The following MYOCD variants were observed in gnomAD, a reference collection of about 807,000 sequenced individuals.
MYOCD encodes the protein myocardin.
In MYOCD, 32 loss-of-function variants were observed where a neutral mutation model predicts 96.1. That is an observed-to-expected ratio of 0.33 (90% CI 0.25 to 0.45). The LOEUF (loss-of-function observed/expected upper bound fraction) is 0.45, where lower values mean the gene tolerates loss of function less well. Among genes scored for constraint, MYOCD ranks in the 20% least tolerant of loss-of-function variants. MYOCD has a pLI of 1.00. For missense variants in MYOCD, 1,133 were observed against 1,200.6 expected, an observed-to-expected ratio of 0.94 and a Z score of 0.83; for synonymous variants, 469 against 469.0, an observed-to-expected ratio of 1.00 and a Z score of 0.00.
intron 1 of MYOCD, among the ~76,000 whole-genome samples, chr17:12,676,536 A>G (rs997952680): frequency 5.4e-5 from 8 of 149,126 alleles, no homozygotes; most frequent in Non-Finnish European, 1.2e-4. Context: ...TCCTATACTG[A>G]GTATTATTTG....
At chr17:12,758,025 GA>G in intron 11 of MYOCD, 59 bp from the exon 12 acceptor site, 1 of 1,352,498 alleles carries the variant, frequency 7.4e-7, no homozygotes, top group Non-Finnish European at 1.1e-6. Context: ...TTCTAGAACA[GA>G]AACAACATAA....
chr17:12,670,303 C>T (rs551223663), intron 1 of MYOCD, among the ~76,000 whole-genome samples: 1 of 152,294 alleles, frequency 6.6e-6, no homozygotes, highest in East Asian at 1.9e-4. Context: ...GGTTGCTTGT[C>T]CTTTCAGAGA....
At chr17:12,747,598 A>G (rs756024774) in intron 9 of MYOCD, among the ~76,000 whole-genome samples, 3 of 152,164 alleles carry the variant, frequency 2.0e-5, no homozygotes, top group Non-Finnish European at 4.4e-5. Flanking sequence ...AAAGAACAAA[A>G]TGGAAAGAGT....
rs897566457 is a variant in MYOCD at position 12,766,823 on chromosome 17, T to C, written c.*3179T>C. ...CAGCTATCTGCTGCAGTCTGGTAGATTCATACTTATCTAAAGAAGTCAAAA... is the reference window on the plus strand; with the variant it reads ...CAGCTATCTGCTGCAGTCTGGTAGACTCATACTTATCTAAAGAAGTCAAAA... On this transcript the variant is annotated 3_prime_UTR_variant, in exon 14 of 14. Transcript: ENST00000425538. 1.3e-5 allele frequency: 2 copies of C among 151,880 alleles called. No individual in the cohort carries two copies. Among genetic ancestry groups the C allele is most frequent in the Non-Finnish European group, 2.9e-5 (2 of 68,020 alleles). 9.4% of individuals were successfully genotyped at this position (151,880 alleles called of 1,614,324 possible). A position where few individuals can be genotyped will look rare whatever the true frequency, so the allele number is the denominator to read the frequency against.
intron 2 of MYOCD, among the ~76,000 whole-genome samples, chr17:12,706,375 A>T (rs1257438542): frequency 6.6e-6 from 1 of 152,184 alleles, no homozygotes; most frequent in Non-Finnish European, 1.5e-5. Context: ...CTTTCTTTGG[A>T]GGTGCTAAAG....
At chr17:12,739,579 C>G (rs147481436) in intron 7 of MYOCD, among the ~76,000 whole-genome samples, 1 of 152,322 alleles carries the variant, frequency 6.6e-6, no homozygotes, top group Non-Finnish European at 1.5e-5. Context: ...ACAGTCCAGC[C>G]AGCACGTTCC....
Position 12,722,852 on chromosome 17 carries a change from A to G in MYOCD, c.259A>G (p.Thr87Ala), listed in dbSNP as rs902707138. ...LVNMHILQAS[T>A]AERSIPTAQM... ...TTTTCATTTCAACCCTTTAGCTTCC[A>G]CTGCAGAGAGGTCCATTCCAACTGC... Residue 87 changes from threonine to alanine, a missense_variant, in exon 5 of 14, where the codon ACT becomes GCT. By Grantham distance (58) the Thr-to-Ala change is moderately conservative. Transcript: ENST00000425538. 1.2e-6 allele frequency: 2 copies of G among 1,609,504 alleles called. No individual in the cohort carries two copies. Among genetic ancestry groups the G allele is most frequent in the Non-Finnish European group, 1.7e-6 (2 of 1,178,432 alleles).
At chr17:12,748,690 T>C (rs920716065) in intron 9 of MYOCD, among the ~76,000 whole-genome samples, 1 of 152,180 alleles carries the variant, frequency 6.6e-6, no homozygotes, top group Non-Finnish European at 1.5e-5. Context: ...CATTATTTAA[T>C]AATGTAGTTA....
Position 12,766,892 on chromosome 17 carries a change from T to C in MYOCD, c.*3248T>C, listed in dbSNP as rs1290522608. On this transcript the variant is annotated 3_prime_UTR_variant, in exon 14 of 14. Transcript: ENST00000425538. ...CTTGCAGGAAGCCAGTGCTTATTAG[T>C]AGTGACCCTGCTTCTATCAACGTTA... The C allele has an allele frequency of 6.6e-6, 1 of 151,940 alleles. No homozygotes were observed. The highest frequency in any genetic ancestry group is 1.5e-5 in the Non-Finnish European group (1 of 68,014). 9.4% of individuals were successfully genotyped at this position (151,940 alleles called of 1,614,324 possible). A position where few individuals can be genotyped will look rare whatever the true frequency, so the allele number is the denominator to read the frequency against.
At position 12,763,374 on chromosome 17, in the gene MYOCD, C is replaced by T; in HGVS notation, c.2691C>T (p.Asp897=). 1 of 1,599,326 alleles carries T rather than the reference C, an allele frequency of 6.3e-7. No individual in the cohort carries two copies. The highest frequency in any genetic ancestry group is 8.5e-7 in the Non-Finnish European group (1 of 1,172,386). Residue 897 remains aspartate (D), a synonymous_variant, in exon 14 of 14, where the codon GAC becomes GAT. Transcript: ENST00000425538. Reference sequence around the variant, plus strand: ...GATTCTCTGGGAAGGCTGCAGAAGACCTCTTCAATGCACATGAGATCTTGC... The same window carrying T: ...GATTCTCTGGGAAGGCTGCAGAAGATCTCTTCAATGCACATGAGATCTTGC... ...MDGFSGKAAE[D]LFNAHEILPG...
At chr17:12,716,840 A>G (rs959624393) in intron 3 of MYOCD, among the ~76,000 whole-genome samples, 1 of 151,916 alleles carries the variant, frequency 6.6e-6, no homozygotes, top group African/African-American at 2.4e-5. Context: ...AAAGAAAAAA[A>G]TTAGCTGGGT....
chr17:12,674,297 T>G (rs1304689094), intron 1 of MYOCD, among the ~76,000 whole-genome samples: 1 of 152,204 alleles, frequency 6.6e-6, no homozygotes, highest in East Asian at 1.9e-4. Context: ...GTAGATTTAA[T>G]GTGCCTCTTT....
intron 5 of MYOCD, among the ~76,000 whole-genome samples, chr17:12,727,263 T>G (rs538857859): frequency 1.1e-4 from 16 of 152,282 alleles, no homozygotes; most frequent in Admixed American, 3.3e-4. Flanking sequence ...AATGGGCAAT[T>G]GAGCACCTGT....
intron 5 of MYOCD, among the ~76,000 whole-genome samples, chr17:12,725,379 TA>T (rs2031966291): frequency 6.7e-6 from 1 of 149,238 alleles, no homozygotes; most frequent in African/African-American, 2.4e-5. Flanking sequence ...TATTTATGAA[TA>T]TAGTATATAT....
intron 9 of MYOCD, among the ~76,000 whole-genome samples, chr17:12,748,628 G>T (rs2032741007): frequency 1.3e-5 from 2 of 152,166 alleles, no homozygotes; most frequent in African/African-American, 4.8e-5. Context: ...GTAATATTCT[G>T]AAGTTTAAGG....
intron 5 of MYOCD, among the ~76,000 whole-genome samples, chr17:12,726,198 G>T (rs891511729): frequency 1.3e-5 from 2 of 152,034 alleles, no homozygotes; most frequent in African/African-American, 4.8e-5. Flanking sequence ...GTCTTGTTGC[G>T]CCATCATTCC....
chr17:12,683,031 G>A (rs1910574471), intron 1 of MYOCD, among the ~76,000 whole-genome samples: 1 of 152,136 alleles, frequency 6.6e-6, no homozygotes, highest in African/African-American at 2.4e-5. Flanking sequence ...TAGCGACTTG[G>A]GTGGAAATAA....
At chr17:12,683,557 A>G (rs1044462756) in intron 1 of MYOCD, among the ~76,000 whole-genome samples, 1 of 152,092 alleles carries the variant, frequency 6.6e-6, no homozygotes, top group African/African-American at 2.4e-5. Flanking sequence ...TTACTCACAC[A>G]TACACAGATA....
At chr17:12,696,083 A>G (rs1415575173) in intron 1 of MYOCD, among the ~76,000 whole-genome samples, 1 of 151,992 alleles carries the variant, frequency 6.6e-6, no homozygotes, top group Admixed American at 6.6e-5. Context: ...TTTTAGACAG[A>G]GTCTCGCCCT....
Sources: gnomAD v4.1 joint callset for allele counts (sites outside exome capture counted in the v4.1 genomes callset) on GRCh38, gnomAD v4.1.1 for gene constraint, MANE v1.5 for transcripts, NCBI Gene and HGNC (gene_info 2026-07-23, HGNC 2026-07-21) for gene names.